Variants in GRM5 observed in about 807,000 individuals in gnomAD.
The protein encoded by GRM5 is metabotropic glutamate receptor 5.
GRM5 carries 19 observed loss-of-function variants against 83.1 expected under a neutral mutation model. The ratio of observed to expected loss-of-function variants is 0.23; its 90% CI spans 0.16 to 0.34. The LOEUF is 0.34. Ranked by LOEUF, GRM5 falls within the 10% of genes least tolerant of loss-of-function variation. The pLI is 1.00. For synonymous variants in GRM5, 675 were observed against 633.6 expected (o/e 1.07, Z -0.98); for missense variants, 1,160 against 1,588.3 (o/e 0.73, Z 4.58).
chr11:88,722,730 TTA>T (rs1392661704), intron 3 of GRM5, among the ~76,000 whole-genome samples: 2 of 152,154 alleles, frequency 1.3e-5, no homozygotes, highest in African/African-American at 4.8e-5. Context: ...TAGCATAGTT[TTA>T]TGTTTATAAA....
chr11:88,854,239 C>A (rs11021621), intron 2 of GRM5, among the ~76,000 whole-genome samples: 2,765 of 151,576 alleles, frequency 0.018, 46 homozygotes, highest in East Asian at 0.069. Flanking sequence ...ATTGAATGAG[C>A]AGTACAAAAT....
intron 3 of GRM5, among the ~76,000 whole-genome samples, chr11:88,654,108 A>T: frequency 6.6e-6 from 1 of 152,100 alleles, no homozygotes; most frequent in East Asian, 1.9e-4. Context: ...TGTGCCATCA[A>T]AAGTGGTGAA....
At chr11:88,825,933 T>A (rs1943888112) in intron 3 of GRM5, among the ~76,000 whole-genome samples, 1 of 152,168 alleles carries the variant, frequency 6.6e-6, no homozygotes, top group Non-Finnish European at 1.5e-5. Context: ...AACTCCATGT[T>A]CTAAGTAAGA....
At chr11:88,825,652 T>C (rs1430287153) in intron 3 of GRM5, among the ~76,000 whole-genome samples, 2 of 152,182 alleles carry the variant, frequency 1.3e-5, no homozygotes, top group African/African-American at 4.8e-5. Flanking sequence ...TAAATATGAA[T>C]AAATCTCTCA....
intron 4 of GRM5, among the ~76,000 whole-genome samples, chr11:88,617,838 G>A (rs1317422010): frequency 6.6e-6 from 1 of 152,188 alleles, no homozygotes; most frequent in Non-Finnish European, 1.5e-5. Context: ...GAAAACTAAA[G>A]TCTCAGATTT....
chr11:89,012,630 C>G (rs1298286370), intron 2 of GRM5, among the ~76,000 whole-genome samples: 1 of 152,128 alleles, frequency 6.6e-6, no homozygotes, highest in Non-Finnish European at 1.5e-5. Flanking sequence ...CCTTTGATAG[C>G]CAATGTCCTA....
intron 9 of GRM5, among the ~76,000 whole-genome samples, chr11:88,511,244 C>T (rs561787740): frequency 1.3e-3 from 202 of 152,314 alleles, no homozygotes; most frequent in African/African-American, 4.6e-3. Flanking sequence ...CCCCTTGGGC[C>T]CCCTTGCTGG....
intron 3 of GRM5, among the ~76,000 whole-genome samples, chr11:88,687,713 C>T (rs1160646661): frequency 6.9e-6 from 1 of 145,512 alleles, no homozygotes; most frequent in Non-Finnish European, 1.5e-5. Context: ...TATATACCCC[C>T]GTATGGTGCT....
chr11:88,856,940 C>T (rs907776909), intron 2 of GRM5, among the ~76,000 whole-genome samples: 9 of 152,016 alleles, frequency 5.9e-5, no homozygotes, highest in Non-Finnish European at 1.0e-4. Context: ...TTGTGTAACA[C>T]GCATACTGAT....
intron 3 of GRM5, among the ~76,000 whole-genome samples, chr11:88,828,670 T>A (rs916289848): frequency 1.3e-5 from 2 of 152,102 alleles, no homozygotes; most frequent in South Asian, 2.1e-4. Context: ...GAAAATAGTA[T>A]CATTAGTATA....
At chr11:88,824,278 C>CG (rs975222218) in intron 3 of GRM5, among the ~76,000 whole-genome samples, 2 of 152,128 alleles carry the variant, frequency 1.3e-5, no homozygotes, top group Admixed American at 6.5e-5. Context: ...TTTCTGGTGG[C>CG]GGGGGAGAAG....
At chr11:88,739,017 A>C (rs1416441064) in intron 3 of GRM5, among the ~76,000 whole-genome samples, 1 of 152,110 alleles carries the variant, frequency 6.6e-6, no homozygotes, top group Non-Finnish European at 1.5e-5. Context: ...TTTCCATTAG[A>C]ATACATTTCT....
rs570341338 is a variant in GRM5 at position 88,852,850 on chromosome 11, G to A, written c.662-2695C>T. Reference sequence around the variant, plus strand: ...ACTGAAGTGTTGAGACTTTCTGGTAGTTGATAGAAACACTGTATTCTATAA... The same window carrying A: ...ACTGAAGTGTTGAGACTTTCTGGTAATTGATAGAAACACTGTATTCTATAA... On this transcript the variant is annotated intron_variant, in intron 2 of 9. Transcript: ENST00000305447. Among the ~76,000 whole-genome samples, 41 of 152,138 alleles carry A rather than the reference G, an allele frequency of 2.7e-4. 1 individual carries two copies. In the South Asian group the frequency reaches 7.3e-3, roughly 27 times the overall value.
intron 7 of GRM5, among the ~76,000 whole-genome samples, chr11:88,586,342 G>C (rs1213739060): frequency 1.3e-5 from 2 of 152,304 alleles, no homozygotes; most frequent in South Asian, 2.1e-4. Flanking sequence ...GGTGGGCTGA[G>C]ATCTCTTAGC....
At chr11:88,743,074 C>T (rs1221007404) in intron 3 of GRM5, among the ~76,000 whole-genome samples, 4 of 152,138 alleles carry the variant, frequency 2.6e-5, no homozygotes, top group Non-Finnish European at 4.4e-5. Context: ...CAAGGAGACT[C>T]TCCTAGGCTC....
At chr11:88,774,546 T>C (rs1246528879) in intron 3 of GRM5, among the ~76,000 whole-genome samples, 3 of 152,224 alleles carry the variant, frequency 2.0e-5, no homozygotes, top group Admixed American at 6.5e-5. Context: ...AAGGGAATGC[T>C]TACAGTTTTT....
intron 2 of GRM5, among the ~76,000 whole-genome samples, chr11:88,913,964 C>T (rs1009924487): frequency 1.3e-5 from 2 of 152,142 alleles, no homozygotes; most frequent in African/African-American, 4.8e-5. Context: ...TGGTTTCCTG[C>T]TGCTTCTGCT....
intron 3 of GRM5, among the ~76,000 whole-genome samples, chr11:88,684,561 T>C (rs1474217416): frequency 6.6e-6 from 1 of 152,158 alleles, no homozygotes; most frequent in African/African-American, 2.4e-5. Context: ...GAAGAAGGCA[T>C]GGTAGAAACA....
chr11:88,873,844 G>A (rs1944808255), intron 2 of GRM5, among the ~76,000 whole-genome samples: 1 of 151,618 alleles, frequency 6.6e-6, no homozygotes, highest in Non-Finnish European at 1.5e-5. Context: ...ACTAGTAACA[G>A]AGTGAAGAAA....
Sources: gnomAD v4.1 joint callset for allele counts (sites outside exome capture counted in the v4.1 genomes callset) on GRCh38, gnomAD v4.1.1 for gene constraint, MANE v1.5 for transcripts, NCBI Gene and HGNC (gene_info 2026-07-23, HGNC 2026-07-21) for gene names.